Variants in PATJ observed in about 807,000 individuals in gnomAD.
PATJ encodes the protein PATJ crumbs cell polarity complex component.
PATJ carries 190 observed loss-of-function variants against 224.9 expected under a neutral mutation model. The observed-to-expected ratio is 0.84, with a 90% CI of 0.75 to 0.95. The LOEUF (loss-of-function observed/expected upper bound fraction) is 0.95. Ranked by LOEUF, PATJ falls within the 40% of genes least tolerant of loss-of-function variation. The pLI is 0.00. For synonymous variants in PATJ, 769 were observed against 820.3 expected (o/e 0.94, Z 1.07); for missense variants, 2,121 against 2,270.3 (o/e 0.93, Z 1.34).
chr1:61,843,557 G>A lies in PATJ; in HGVS notation c.2112+9772G>A, dbSNP rs544363247. Among the ~76,000 whole-genome samples the A allele has an allele frequency of 3.9e-5, 6 of 152,156 alleles. No individual in the cohort carries two copies. In the South Asian group the frequency reaches 6.2e-4, roughly 16 times the overall value. On this transcript the variant is annotated intron_variant, in intron 17 of 43. Transcript: ENST00000642238. ...GTTCAAGACCAGCCTGGGCAACACA[G>A]TGAAACTGTCTCTACAAAACCAAAA...
chr1:61,824,424 T>G (rs1357921343), intron 15 of PATJ, among the ~76,000 whole-genome samples: 1 of 38,766 alleles, frequency 2.6e-5, no homozygotes, highest in Non-Finnish European at 6.1e-5. Flanking sequence ...TTTTAACCTT[T>G]TTTCCTTTTT....
At chr1:61,878,433 A>G (rs1667634982) in intron 21 of PATJ, among the ~76,000 whole-genome samples, 1 of 152,210 alleles carries the variant, frequency 6.6e-6, no homozygotes, top group South Asian at 2.1e-4. Context: ...AACATTGCCA[A>G]CTGATTGGAC....
At chr1:62,087,393 G>A (rs1179311907) in intron 33 of PATJ, among the ~76,000 whole-genome samples, 1 of 151,934 alleles carries the variant, frequency 6.6e-6, no homozygotes, top group Non-Finnish European at 1.5e-5. Flanking sequence ...GGCGGGGCGG[G>A]CCGTAGGTAG....
intron 4 of PATJ, among the ~76,000 whole-genome samples, chr1:61,766,901 C>T (rs1190044033): frequency 4.6e-5 from 7 of 151,864 alleles, no homozygotes; most frequent in Admixed American, 1.3e-4. Flanking sequence ...GAGACTAGCC[C>T]GACCAACATG....
intron 33 of PATJ, among the ~76,000 whole-genome samples, chr1:62,106,043 C>A (rs1662874985): frequency 1.7e-5 from 1 of 59,254 alleles, no homozygotes. Flanking sequence ...TGAGACTCCT[C>A]TTAAAAAAAA....
intron 20 of PATJ, among the ~76,000 whole-genome samples, chr1:61,867,952 G>A (rs1665681035): frequency 1.3e-5 from 2 of 152,252 alleles, no homozygotes; most frequent in Middle Eastern, 3.4e-3. Context: ...CTCCCAAATG[G>A]TGAAGGAACA....
In PATJ at chr1:61,983,453, T is replaced by C. The variant is rs141490821; in HGVS notation, c.3671-6715T>C. On this transcript the variant is annotated intron_variant, in intron 27 of 43. Transcript: ENST00000642238. Reference sequence around the variant, plus strand: ...ACGTAGTAATTTGTTTTTCTAGTACTACTAATGGATTTTAATTTTGAATAC... The same window carrying C: ...ACGTAGTAATTTGTTTTTCTAGTACCACTAATGGATTTTAATTTTGAATAC... Among the ~76,000 whole-genome samples the C allele has an allele frequency of 5.9e-5, 9 of 152,234 alleles. No individual in the cohort carries two copies. In the East Asian group the frequency reaches 1.7e-3, roughly 29 times the overall value.
intron 11 of PATJ, among the ~76,000 whole-genome samples, 174 bp downstream of exon 11, chr1:61,797,602 A>G (rs142689302): frequency 3.5e-4 from 54 of 152,342 alleles, no homozygotes; most frequent in African/African-American, 1.2e-3. Flanking sequence ...TTCTTTGCTT[A>G]CTATGTCAGT....
rs771438839 is a variant in PATJ, at chr1:62,116,566, A to G, written c.4690A>G (p.Lys1564Glu). ...CGGAGTGTTTATTTCTGACATCGTGAAAGGCGGAGCCGCAGACCTGGATGG... is the reference window on the plus strand; with the variant it reads ...CGGAGTGTTTATTTCTGACATCGTGGAAGGCGGAGCCGCAGACCTGGATGG... Reference protein sequence around the residue: ...GSGVFISDIVKGGAADLDGRL... With the variant: ...GSGVFISDIVEGGAADLDGRL... Residue 1564 changes from lysine (K) to glutamate (E), a missense_variant, in exon 36 of 44, where the codon AAA becomes GAA. Physicochemically the swap from Lys to Glu is moderately conservative, Grantham distance 56. Coordinates refer to ENST00000642238, the MANE Select transcript of PATJ (RefSeq NM_001350145.3). 6.2e-7 allele frequency: 1 copy of G among 1,614,064 alleles called. No homozygotes were observed. Among genetic ancestry groups the G allele is most frequent in the South Asian group, 1.1e-5 (1 of 91,060 alleles).
Position 61,884,375 on chromosome 1 carries a change from G to C in PATJ, c.3098G>C (p.Gly1033Ala). 1 of 1,606,796 alleles carries C rather than the reference G, an allele frequency of 6.2e-7. No individual in the cohort carries two copies. Among genetic ancestry groups the C allele is most frequent in the Non-Finnish European group, 8.5e-7 (1 of 1,176,966 alleles). Reference protein sequence around the residue: ...RVISKASAYTGMLSSRYATDT... With the variant: ...RVISKASAYTAMLSSRYATDT... ...ATTTCCAAGGCCTCAGCATACACAG[G>C]AATGTTGTCTTCTAGATATGCCACT... Residue 1033 changes from glycine (G) to alanine (A), a missense_variant, in exon 22 of 44, where the codon GGA becomes GCA. Coordinates refer to ENST00000642238, the MANE Select transcript of PATJ (RefSeq NM_001350145.3).
In PATJ at chr1:61,874,561, A is replaced by G. The variant is rs527374157; in HGVS notation, c.2836-682A>G. ...ACCAGGGCTCTGCCCTCATAACTCT[A>G]TCACCCCACAAAAGTCCCCACTTCT... is the stretch of plus-strand genomic sequence containing the variant. On this transcript the variant is annotated intron_variant, in intron 20 of 43. Coordinates refer to ENST00000642238, the MANE Select transcript of PATJ (RefSeq NM_001350145.3). Among the ~76,000 whole-genome samples the G allele has an allele frequency of 7.2e-5, 11 of 152,254 alleles. No individual in the cohort carries two copies. In the South Asian group the frequency reaches 2.3e-3, roughly 32 times the overall value.
At chr1:61,998,194 C>T (rs1360254909) in intron 28 of PATJ, among the ~76,000 whole-genome samples, 2 of 150,752 alleles carry the variant, frequency 1.3e-5, no homozygotes, top group Non-Finnish European at 2.9e-5. Context: ...ATTCTTCTGC[C>T]TCAGCCTCTC....
chr1:62,125,274 A>AAAAAAAG (rs1558204118), intron 39 of PATJ, among the ~76,000 whole-genome samples: 2 of 145,898 alleles, frequency 1.4e-5, no homozygotes, highest in Non-Finnish European at 1.5e-5. Flanking sequence ...CAAAAAAAAA[A>AAAAAAAG]CGCCATTAGC....
intron 20 of PATJ, among the ~76,000 whole-genome samples, chr1:61,867,906 A>C (rs1665673455): frequency 6.6e-6 from 1 of 152,176 alleles, no homozygotes; most frequent in South Asian, 2.1e-4. Flanking sequence ...AATCCCTTAC[A>C]AATATGTAAT....
intron 41 of PATJ, among the ~76,000 whole-genome samples, chr1:62,138,850 T>A (rs1368100006): frequency 1.3e-5 from 2 of 152,188 alleles, no homozygotes; most frequent in Non-Finnish European, 2.9e-5. Flanking sequence ...AAGTTACAGA[T>A]ACTTTAATGC....
intron 22 of PATJ, among the ~76,000 whole-genome samples, chr1:61,890,735 A>G (rs532314952): frequency 2.0e-5 from 3 of 152,244 alleles, no homozygotes; most frequent in Non-Finnish European, 2.9e-5. Flanking sequence ...GCCTCAAGCA[A>G]TCCTCCCACC....
At chr1:61,899,762 C>T (rs966428506) in intron 23 of PATJ, 108 bp downstream of exon 23, 9 of 657,148 alleles carry the variant, frequency 1.4e-5, no homozygotes, top group East Asian at 2.8e-5. Context: ...TTGAGAATTG[C>T]GATAATTCAC....
At chr1:61,818,441 G>A (rs1049711025) in intron 14 of PATJ, among the ~76,000 whole-genome samples, 1 of 152,196 alleles carries the variant, frequency 6.6e-6, no homozygotes, top group Admixed American at 6.5e-5. Context: ...TAAGAACTCT[G>A]CATACTGAAA....
chr1:61,818,285 A>G (rs79883603), intron 14 of PATJ, among the ~76,000 whole-genome samples: 2,109 of 152,332 alleles, frequency 0.014, 51 homozygotes, highest in African/African-American at 0.048. Flanking sequence ...TATCAGGATC[A>G]TGAAAATCCT....
Sources: allele counts gnomAD v4.1 joint callset (sites outside exome capture counted in the v4.1 genomes callset), GRCh38; gene constraint gnomAD v4.1.1; transcripts MANE v1.5; gene names NCBI Gene and HGNC (gene_info 2026-07-23, HGNC 2026-07-21).